Variants in RPS6KC1 observed in about 807,000 individuals in gnomAD.
RPS6KC1 encodes the protein inactive ribosomal protein S6 kinase delta-1.
In RPS6KC1, 54 loss-of-function variants were observed where a neutral mutation model predicts 103.8. The ratio of observed to expected loss-of-function variants is 0.52; its 90% CI spans 0.42 to 0.65. The LOEUF (loss-of-function observed/expected upper bound fraction) is 0.65, where lower values mean the gene tolerates loss of function less well. RPS6KC1 is among the 30% of genes least tolerant of loss of function. The pLI is 0.00. For synonymous variants in RPS6KC1, 439 were observed against 438.7 expected, an observed-to-expected ratio of 1.00 and a Z score of -0.01; for missense variants, 1,151 against 1,253.8, an observed-to-expected ratio of 0.92 and a Z score of 1.24.
chr1:213,051,601 C>T, intron 1 of RPS6KC1, 92 bp downstream of exon 1: 1 of 928,446 alleles, frequency 1.1e-6, no homozygotes, highest in Non-Finnish European at 1.7e-6. Context: ...GACTCTGGCT[C>T]AGAGCCGAGG....
intron 6 of RPS6KC1, among the ~76,000 whole-genome samples, chr1:213,167,214 A>G (rs1009460163): frequency 1.3e-5 from 2 of 152,072 alleles, no homozygotes; most frequent in South Asian, 4.2e-4. Flanking sequence ...CATTCAAACC[A>G]CCTGGTTAGT....
chr1:213,349,480 A>C, the RPS6KC1 span, among the ~76,000 whole-genome samples: 1 of 152,100 alleles, frequency 6.6e-6, no homozygotes, highest in African/African-American at 2.4e-5. Context: ...CACTTTCCAC[A>C]CCCTGGGTTT....
the RPS6KC1 span, among the ~76,000 whole-genome samples, chr1:213,483,852 A>C: frequency 6.6e-6 from 1 of 152,246 alleles, no homozygotes; most frequent in Non-Finnish European, 1.5e-5. Flanking sequence ...TGGAGTGAAC[A>C]GTCCCTTTTT....
the RPS6KC1 span, among the ~76,000 whole-genome samples, chr1:213,502,580 C>T: frequency 6.7e-3 from 1,015 of 152,082 alleles, 4 homozygotes; most frequent in Non-Finnish European, 0.01. Context: ...AAATTATGGT[C>T]CATCTATAAA....
chr1:213,583,012 G>A, the RPS6KC1 span, among the ~76,000 whole-genome samples: 1 of 152,302 alleles, frequency 6.6e-6, no homozygotes, highest in East Asian at 1.9e-4. Flanking sequence ...GAATTACACA[G>A]TATGTAGTCT....
the RPS6KC1 span, among the ~76,000 whole-genome samples, chr1:213,617,304 G>A: frequency 6.6e-6 from 1 of 152,258 alleles, no homozygotes; most frequent in East Asian, 1.9e-4. Flanking sequence ...CCAGGCACCA[G>A]AAATGGGCCC....
chr1:213,747,322 G>A, the RPS6KC1 span, among the ~76,000 whole-genome samples: 5 of 152,146 alleles, frequency 3.3e-5, 1 homozygote, highest in Admixed American at 3.3e-4. Flanking sequence ...CAATATGGAG[G>A]TCACTGGTGC....
the RPS6KC1 span, among the ~76,000 whole-genome samples, chr1:213,836,810 T>G: frequency 6.6e-6 from 1 of 152,232 alleles, no homozygotes; most frequent in Non-Finnish European, 1.5e-5. Flanking sequence ...TAATTGATTT[T>G]ATAGCTCACT....
At chr1:213,151,367 C>G (rs574499644) in intron 6 of RPS6KC1, among the ~76,000 whole-genome samples, 2,836 of 129,458 alleles carry the variant, frequency 0.022, 101 homozygotes, top group African/African-American at 0.082. Context: ...ACCTCCCTCC[C>G]GGACGGGGCG....
intron 6 of RPS6KC1, among the ~76,000 whole-genome samples, chr1:213,165,554 G>T (rs2090889881): frequency 6.6e-6 from 1 of 152,138 alleles, no homozygotes; most frequent in African/African-American, 2.4e-5. Context: ...CTCTTGAGTA[G>T]CTGGGACTAC....
the RPS6KC1 span, among the ~76,000 whole-genome samples, chr1:213,844,722 T>C: frequency 6.6e-6 from 1 of 152,280 alleles, no homozygotes; most frequent in South Asian, 2.1e-4. Context: ...TCAAATTTGA[T>C]AAGAGAATGG....
intron 3 of RPS6KC1, among the ~76,000 whole-genome samples, chr1:213,088,345 G>A (rs188957578): frequency 6.6e-6 from 1 of 151,756 alleles, no homozygotes; most frequent in Non-Finnish European, 1.5e-5. Flanking sequence ...TACCTTTATT[G>A]TTACTCCACT....
the RPS6KC1 span, among the ~76,000 whole-genome samples, chr1:213,789,501 TG>T: frequency 6.6e-6 from 1 of 152,140 alleles, no homozygotes; most frequent in Non-Finnish European, 1.5e-5. Flanking sequence ...GTAACTCAGG[TG>T]ATCTGTCCTG....
intron 6 of RPS6KC1, among the ~76,000 whole-genome samples, chr1:213,155,917 G>A (rs1334200221): frequency 2.0e-5 from 3 of 152,126 alleles, no homozygotes; most frequent in African/African-American, 7.2e-5. Context: ...AACCATTTCT[G>A]TATCCTAGAA....
chr1:213,151,093 C>A (rs542234853), intron 6 of RPS6KC1, among the ~76,000 whole-genome samples: 3,910 of 139,890 alleles, frequency 0.028, 85 homozygotes, highest in Admixed American at 0.046. Context: ...CCTCACCTCC[C>A]GGATGGGGGG....
At chr1:213,544,998 T>C in the RPS6KC1 span, among the ~76,000 whole-genome samples, 1 of 152,158 alleles carries the variant, frequency 6.6e-6, no homozygotes, top group Non-Finnish European at 1.5e-5. Context: ...AGAAGTGTCT[T>C]CTCTCACAGT....
At chr1:213,274,980 T>G (rs561111915), downstream of RPS6KC1, among the ~76,000 whole-genome samples, 1 of 152,310 alleles carries the variant, frequency 6.6e-6, no homozygotes, top group South Asian at 2.1e-4. Flanking sequence ...ACACTCCAGC[T>G]CCTAGCAACC....
chr1:213,506,274 A>G, the RPS6KC1 span, among the ~76,000 whole-genome samples: 1 of 152,282 alleles, frequency 6.6e-6, no homozygotes, highest in African/African-American at 2.4e-5. Flanking sequence ...TGTGCATGGA[A>G]GAATGCTGAT....
At chr1:213,808,860 C>T in the RPS6KC1 span, among the ~76,000 whole-genome samples, 3 of 152,218 alleles carry the variant, frequency 2.0e-5, no homozygotes, top group Non-Finnish European at 4.4e-5. Flanking sequence ...AGAAATCACC[C>T]GTCTTCTGCA....
Sources: allele counts gnomAD v4.1 joint callset (sites outside exome capture counted in the v4.1 genomes callset), GRCh38; gene constraint gnomAD v4.1.1; transcripts MANE v1.5; gene names NCBI Gene and HGNC (gene_info 2026-07-23, HGNC 2026-07-21).